Variants in CHD2 observed in about 807,000 individuals in gnomAD.
The protein encoded by CHD2 is chromodomain helicase DNA binding protein 2, also known as ATP-dependent chromatin remodeler CHD2.
CHD2 carries 28 observed loss-of-function variants against 243.9 expected under a neutral mutation model. The observed-to-expected ratio is 0.11, with a 90% CI of 0.09 to 0.16. The LOEUF is 0.16. CHD2 is among the 10% of genes least tolerant of loss of function. The pLI is 1.00. For synonymous variants in CHD2, 775 were observed against 779.0 expected (o/e 0.99, Z 0.09); for missense variants, 1,386 against 2,209.8 (o/e 0.63, Z 7.47).
chr15:92,916,167 C>A (rs1446959428), intron 2 of CHD2, among the ~76,000 whole-genome samples: 2 of 152,208 alleles, frequency 1.3e-5, no homozygotes, highest in Non-Finnish European at 2.9e-5. Context: ...GTGCATCTTA[C>A]ACATATTGAT....
At chr15:92,905,924 T>C (rs2052613228) in intron 2 of CHD2, among the ~76,000 whole-genome samples, 1 of 152,160 alleles carries the variant, frequency 6.6e-6, no homozygotes, top group Non-Finnish European at 1.5e-5. Flanking sequence ...GAGACTGAAT[T>C]CTAATTAGTT....
intron 16 of CHD2, among the ~76,000 whole-genome samples, chr15:92,957,353 C>T (rs1256933880): frequency 2.0e-5 from 3 of 152,214 alleles, no homozygotes; most frequent in Non-Finnish European, 4.4e-5. Flanking sequence ...TTCACATGGC[C>T]AACCACCTTA....
chr15:92,918,072 G>C (rs1183495014), intron 2 of CHD2, among the ~76,000 whole-genome samples: 1 of 152,166 alleles, frequency 6.6e-6, no homozygotes, highest in African/African-American at 2.4e-5. Context: ...TTTTGGGCGG[G>C]GCTCCCACAG....
At chr15:93,019,908 G>C in intron 37 of CHD2, 104 bp from the exon 38 acceptor site, 1 of 1,383,494 alleles carries the variant, frequency 7.2e-7, no homozygotes, top group Middle Eastern at 2.0e-4. Flanking sequence ...ACTCCAGCCT[G>C]GGCAAACAGA....
rs58103362 is a variant in CHD2 at position 93,016,779 on chromosome 15, C to CA, written c.4906+1885dup. 2.7e-4 allele frequency among the ~76,000 whole-genome samples: 21 copies of CA among 77,970 alleles called. 1 individual carries two copies. The highest frequency in any genetic ancestry group is 7.1e-4 in the African/African-American group (17 of 23,936). 51.2% of individuals were successfully genotyped at this position (77,970 alleles called of 152,430 possible). A position where few individuals can be genotyped will look rare whatever the true frequency, so the allele number is the denominator to read the frequency against. On this transcript the variant is annotated intron_variant, in intron 37 of 38. Coordinates refer to ENST00000394196, the MANE Select transcript of CHD2 (RefSeq NM_001271.4). ...TCTGGGCAATAGAGTGAGACCGTCT[C>CA]AAAAAAAAAAAAAAATTGCAGTTTT...
intron 28 of CHD2, 114 bp from the exon 29 acceptor site, chr15:92,996,843 C>G (rs577504920): frequency 1.7e-4 from 168 of 1,016,702 alleles, no homozygotes; most frequent in Non-Finnish European, 2.0e-4. Flanking sequence ...TTCAAAATAA[C>G]AATAAGCCAG....
intron 2 of CHD2, among the ~76,000 whole-genome samples, chr15:92,919,420 T>G (rs919630101): frequency 2.0e-5 from 3 of 151,090 alleles, no homozygotes; most frequent in Admixed American, 1.3e-4. Flanking sequence ...GGAGACGGAG[T>G]CTTGCTTTGT....
chr15:92,966,891 C>T (rs540817729), intron 16 of CHD2, among the ~76,000 whole-genome samples: 49 of 139,604 alleles, frequency 3.5e-4, no homozygotes, highest in African/African-American at 1.0e-3. Context: ...GCCTGGGCGA[C>T]GGAGCGAGAC....
chr15:92,961,876 C>CTTTTTTTTTTTTTTTT (rs3064790), intron 16 of CHD2, among the ~76,000 whole-genome samples: 4 of 78,622 alleles, frequency 5.1e-5, no homozygotes, highest in African/African-American at 4.8e-5. Flanking sequence ...TTTTTCTTCT[C>CTTTTTTTTTTTTTTTT]TTTTTTTTTT....
Position 92,981,315 on chromosome 15 carries a change from A to G in CHD2, c.2974-50A>G, listed in dbSNP as rs181664133. ...CGAATAATTTCTGGGCAACTAGGCA[A>G]CTCATCTGTTGCCATTTTATTCTAT... On this transcript the variant is annotated intron_variant, in intron 23 of 38. Transcript: ENST00000394196. The G allele has an allele frequency of 6.6e-4, 880 of 1,328,856 alleles. 1 individual carries two copies. In the African/African-American group the frequency reaches 7.1e-3, roughly 11 times the overall value. The allele number at this position is 1,328,856 out of a possible 1,614,324, so 82.3% of individuals were successfully genotyped here. A position where few individuals can be genotyped will look rare whatever the true frequency, so the allele number is the denominator to read the frequency against.
intron 37 of CHD2, among the ~76,000 whole-genome samples, chr15:93,018,278 C>G (rs1469339532): frequency 6.6e-6 from 1 of 152,158 alleles, no homozygotes; most frequent in African/African-American, 2.4e-5. Context: ...TTGTGGTGCT[C>G]TCATCTGATC....
intron 17 of CHD2, among the ~76,000 whole-genome samples, chr15:92,971,504 G>C (rs1366178514): frequency 6.6e-6 from 1 of 152,186 alleles, no homozygotes; most frequent in Admixed American, 6.5e-5. Context: ...TATGTAGAGA[G>C]AGTTGTTTTC....
chr15:92,981,993 T>C (rs1473446117), intron 24 of CHD2, among the ~76,000 whole-genome samples: 1 of 152,218 alleles, frequency 6.6e-6, no homozygotes, highest in African/African-American at 2.4e-5. Flanking sequence ...ATCAATGTTA[T>C]TAAAAAGCTT....
At chr15:92,918,375 T>C (rs2052883510) in intron 2 of CHD2, among the ~76,000 whole-genome samples, 1 of 152,250 alleles carries the variant, frequency 6.6e-6, no homozygotes. Flanking sequence ...TGTATTTTCC[T>C]TTTAATTATT....
intron 19 of CHD2, among the ~76,000 whole-genome samples, chr15:92,973,266 T>C (rs1005244187): frequency 2.0e-5 from 3 of 152,336 alleles, no homozygotes; most frequent in African/African-American, 7.2e-5. Flanking sequence ...CACAGTTATC[T>C]CCTATGGGGA....
intron 35 of CHD2, among the ~76,000 whole-genome samples, chr15:93,009,926 G>A (rs893498431): frequency 2.0e-5 from 3 of 152,176 alleles, no homozygotes; most frequent in Admixed American, 6.5e-5. Flanking sequence ...GTGGTGTTTG[G>A]TGACATGGAT....
rs138796857 is a variant in CHD2, at chr15:92,942,871, G to A, written c.855G>A (p.Ala285=). The A allele has an allele frequency of 2.3e-4, 375 of 1,613,550 alleles. No homozygotes were observed. In the African/African-American group the frequency reaches 3.8e-3, roughly 16 times the overall value. ...CTGGAGCATCTACTACTGTATATGC[G>A]ATTGAAGCTAATGGCGACCCTAGTG... The part of the protein sequence containing the change: ...GATGASTTVY[A]IEANGDPSGD... The change falls in exon 9 of 39, where the codon GCG becomes GCA. Residue 285 remains alanine, a synonymous_variant. Transcript: ENST00000394196.
intron 36 of CHD2, among the ~76,000 whole-genome samples, chr15:93,013,715 A>C (rs959825948): frequency 3.9e-5 from 6 of 152,104 alleles, no homozygotes; most frequent in African/African-American, 1.4e-4. Flanking sequence ...CGGGTGGATC[A>C]CTTGAGGCCG....
At chr15:92,980,754 C>A in intron 22 of CHD2, 61 bp from the exon 23 acceptor site, 2 of 1,173,674 alleles carry the variant, frequency 1.7e-6, no homozygotes, top group Non-Finnish European at 2.5e-6. Context: ...GATAGTTATT[C>A]TGAAGTAGAA....
Sources: allele counts gnomAD v4.1 joint callset (sites outside exome capture counted in the v4.1 genomes callset), GRCh38; gene constraint gnomAD v4.1.1; transcripts MANE v1.5; gene names NCBI Gene and HGNC (gene_info 2026-07-23, HGNC 2026-07-21).